FN1: variants seen among roughly 807,000 people sequenced by gnomAD.
FN1 encodes fibronectin.
A neutral mutation model predicts 297.3 loss-of-function variants in FN1; 106 were observed. The observed-to-expected ratio is 0.36, with a 90% CI of 0.30 to 0.42. The LOEUF (loss-of-function observed/expected upper bound fraction) is 0.42. Among genes scored for constraint, FN1 ranks in the 10% least tolerant of loss-of-function variants. FN1 has a pLI of 1.00. For missense variants in FN1, 2,690 were observed against 3,124.9 expected (o/e 0.86, Z 3.32); for synonymous variants, 1,149 against 1,152.6 (o/e 1.00, Z 0.06).
Position 215,361,549 on chromosome 2 carries a change from G to A in FN1, c.*6C>T, listed in dbSNP as rs551557439. On this transcript the variant is annotated 3_prime_UTR_variant, in exon 46 of 46. Transcript: ENST00000354785. ...CATGCTTGTTCCTCTGGATTGGAAA[G>A]ATGATTTACTCTCGGGAATCTTCTC... 6.3e-7 allele frequency: 1 copy of A among 1,592,904 alleles called. No individual in the cohort carries two copies. The highest frequency in any genetic ancestry group is 2.2e-5 in the East Asian group (1 of 44,770).
chr2:215,405,746 AAAAT>A (rs1183923521), intron 19 of FN1, among the ~76,000 whole-genome samples: 1 of 152,132 alleles, frequency 6.6e-6, no homozygotes, highest in East Asian at 1.9e-4. Context: ...CCATCTCAAA[AAAAT>A]AAATAAATAA....
chr2:215,395,035 TC>T (rs1030365269), intron 23 of FN1, among the ~76,000 whole-genome samples: 3 of 152,142 alleles, frequency 2.0e-5, no homozygotes, highest in African/African-American at 7.2e-5. Context: ...GGGGAGTGAT[TC>T]CCCAAAGCTT....
chr2:215,394,728 A>T lies in FN1; in HGVS notation c.3605-9T>A, dbSNP rs2060099639. On this transcript the variant is annotated splice_polypyrimidine_tract_variant and intron_variant, in intron 23 of 45. Transcript: ENST00000354785. ...TCTATAACCAGTAATGTCTGGAGAAAAAAGAAAAGGGAAGTTATTGCACAG... is the reference window on the plus strand; with the variant it reads ...TCTATAACCAGTAATGTCTGGAGAATAAAGAAAAGGGAAGTTATTGCACAG... 1 of 1,609,162 alleles carries T rather than the reference A, an allele frequency of 6.2e-7. No individual in the cohort carries two copies. Among genetic ancestry groups the T allele is most frequent in the Non-Finnish European group, 8.5e-7 (1 of 1,175,714 alleles).
intron 33 of FN1, chr2:215,380,573 T>C (rs991130925): frequency 1.8e-6 from 1 of 571,174 alleles, no homozygotes; most frequent in African/African-American, 1.9e-5. Context: ...TTCAAATGTC[T>C]TGCTTTATGG....
intron 32 of FN1, 119 bp downstream of exon 32, chr2:215,382,091 CAT>C (rs1422693833): frequency 4.2e-6 from 3 of 709,634 alleles, no homozygotes; most frequent in Non-Finnish European, 7.7e-6. Flanking sequence ...CAGCTCAAGA[CAT>C]AAACTAACCA....
At position 215,372,271 on chromosome 2, in the gene FN1, C is replaced by G. The variant is rs374656525; in HGVS notation, c.6352G>C (p.Gly2118Arg). ...TGAATACCATTTCCAGTGTCATACC[C>G]AGGGTGGGTGACGAAAGGGGTCTTT... The part of the protein sequence containing the change: ...VQKTPFVTHP[G>R]YDTGNGIQLP... The change falls in exon 40 of 46, where the codon GGG becomes CGG. Residue 2118 changes from glycine to arginine, a missense_variant. This residue lies in a region of FN1 where 1,743 missense variants were observed against 1,945.2 expected (regional missense o/e 0.90). Coordinates refer to ENST00000354785, the MANE Select transcript of FN1 (RefSeq NM_212482.4). 1.9e-6 allele frequency: 3 copies of G among 1,614,068 alleles called. No individual in the cohort carries two copies. The highest frequency in any genetic ancestry group is 2.5e-6 in the Non-Finnish European group (3 of 1,180,036).
chr2:215,404,323 G>T lies in FN1; in HGVS notation c.3253+66C>A, dbSNP rs56380797. The T allele has an allele frequency of 0.36, 507,433 of 1,392,226 alleles. 103,138 individuals are homozygous for T. The highest frequency in any genetic ancestry group is 0.48 in the South Asian group (38,377 of 80,722). 86.2% of individuals were successfully genotyped at this position (1,392,226 alleles called of 1,614,324 possible). The stretch of plus-strand genomic sequence containing the variant: ...TGTTTTTTTTGTTTTGTTTTGTTTT[G>T]TTTTAAAGCATGAAGAATAGAGAAT... On this transcript the variant is annotated intron_variant, in intron 20 of 45. Transcript: ENST00000354785.
At position 215,424,413 on chromosome 2, in the gene FN1, G is replaced by A; in HGVS notation, c.1037-88C>T. 5.6e-6 allele frequency: 6 copies of A among 1,074,146 alleles called. No homozygotes were observed. The Admixed American group carries it at 7.3e-5, about 13-fold the overall frequency. 66.5% of individuals were successfully genotyped at this position (1,074,146 alleles called of 1,614,324 possible). On this transcript the variant is annotated intron_variant, in intron 7 of 45. Coordinates refer to ENST00000354785, the MANE Select transcript of FN1 (RefSeq NM_212482.4). The stretch of plus-strand genomic sequence containing the variant: ...TTATTTATGGCTTCAATGAGATACT[G>A]AGCTTGTGCCCTCAAAGGAAGAAGC...
intron 20 of FN1, among the ~76,000 whole-genome samples, chr2:215,403,083 A>G (rs1559482343): frequency 6.6e-6 from 1 of 152,180 alleles, no homozygotes; most frequent in Non-Finnish European, 1.5e-5. Context: ...TAATTCACTG[A>G]AGGACATTTA....
chr2:215,365,353 T>C, intron 43 of FN1, 152 bp downstream of exon 43: 1 of 856,548 alleles, frequency 1.2e-6, no homozygotes, highest in African/African-American at 1.7e-5. Flanking sequence ...GAAGCTTGTC[T>C]CCACTTTCCC....
intron 42 of FN1, 27 bp from the exon 43 acceptor site, chr2:215,365,657 A>T: frequency 6.2e-7 from 1 of 1,612,598 alleles, no homozygotes. Flanking sequence ...AGTCAGGACC[A>T]AAAAGTTATT....
At chr2:215,376,465 A>G in intron 36 of FN1, 33 bp downstream of exon 36, 2 of 1,599,022 alleles carry the variant, frequency 1.3e-6, no homozygotes, top group African/African-American at 2.7e-5. Flanking sequence ...GGTATTTGTT[A>G]ACAAATGTGG....
At chr2:215,376,370 C>T in intron 36 of FN1, 128 bp downstream of exon 36, 1 of 856,608 alleles carries the variant, frequency 1.2e-6, no homozygotes, top group Non-Finnish European at 2.0e-6. Flanking sequence ...AAATAACGTT[C>T]TAAAACTGGG....
intron 13 of FN1, among the ~76,000 whole-genome samples, 166 bp from the exon 14 acceptor site, chr2:215,410,280 G>A (rs531727177): frequency 6.6e-5 from 10 of 152,172 alleles, no homozygotes; most frequent in East Asian, 1.9e-4. Context: ...TGGTTATATC[G>A]TTAGATATAG....
At chr2:215,373,973 C>T (rs1007749243) in intron 38 of FN1, among the ~76,000 whole-genome samples, 27 of 151,948 alleles carry the variant, frequency 1.8e-4, no homozygotes, top group Admixed American at 1.7e-3. Context: ...TGAGCCACCG[C>T]GCCTGGCCTT....
intron 4 of FN1, among the ~76,000 whole-genome samples, chr2:215,431,375 G>A (rs1305558498): frequency 6.6e-6 from 1 of 152,168 alleles, no homozygotes; most frequent in Non-Finnish European, 1.5e-5. Context: ...AAATTCAACT[G>A]AGGATTGAGA....
rs1321841562 is a variant in FN1, at chr2:215,384,112, G to A, written c.4802C>T (p.Pro1601Leu). Residue 1601 changes from proline to leucine, a missense_variant, in exon 30 of 46, where the codon CCT (proline) becomes CTT (leucine). Physicochemically the swap from Pro to Leu is moderately conservative, Grantham distance 98 (BLOSUM62 -3). Coordinates refer to ENST00000354785, the MANE Select transcript of FN1 (RefSeq NM_212482.4). ...CACAGTGATGGTATAATCAACTCCA[G>A]GTTTAAGGCCGCTGATGGTAGCTGT... ...KSTATISGLK[P>L]GVDYTITVYA... is the part of the protein sequence containing the mutation. 3.5e-5 allele frequency: 57 copies of A among 1,614,006 alleles called. No homozygotes were observed. The highest frequency in any genetic ancestry group is 4.7e-5 in the Non-Finnish European group (55 of 1,180,014).
chr2:215,407,432 G>T lies in FN1; in HGVS notation c.2519-111C>A, dbSNP rs548305930. On this transcript the variant is annotated intron_variant, in intron 17 of 45. Transcript: ENST00000354785. The stretch of plus-strand genomic sequence containing the variant: ...TCCCTTAGCATCTTGCTTGATTAGT[G>T]AAGAGCCAGTGATACTTTTTGACTC... The T allele has an allele frequency of 5.6e-6, 5 of 886,878 alleles. No individual in the cohort carries two copies. The South Asian group carries it at 6.7e-5, about 12-fold the overall frequency. The allele number at this position is 886,878 out of a possible 1,614,324, so 54.9% of individuals were successfully genotyped here. A position where few individuals can be genotyped will look rare whatever the true frequency, so the allele number is the denominator to read the frequency against.
At position 215,365,452 on chromosome 2, in the gene FN1, A is replaced by C. The variant is rs1198738191; in HGVS notation, c.7144+53T>G. 6 of 1,576,568 alleles carry C rather than the reference A, an allele frequency of 3.8e-6. No individual in the cohort carries two copies. The Admixed American group carries it at 1.0e-4, about 26-fold the overall frequency. ...CTGTGAATGAGAGTTACAGCCTGAT[A>C]ATGAAAGTGAGAATGCTTAATAAGG... On this transcript the variant is annotated intron_variant, in intron 43 of 45. Transcript: ENST00000354785.
Sources: allele counts gnomAD v4.1 joint callset (sites outside exome capture counted in the v4.1 genomes callset), GRCh38; gene constraint gnomAD v4.1.1; regional missense constraint gnomAD v4.1.1; transcripts MANE v1.5; gene names NCBI Gene and HGNC (gene_info 2026-07-23, HGNC 2026-07-21).